The following WDR27 variants were observed in gnomAD, a reference collection of about 807,000 sequenced individuals.
The protein encoded by WDR27 is WD repeat domain 27, also known as WD repeat-containing protein 27.
WDR27 carries 100 observed loss-of-function variants against 114.4 expected under a neutral mutation model. That is an observed-to-expected ratio of 0.87 (90% CI 0.74 to 1.03). The LOEUF is 1.03. Among genes scored for constraint, WDR27 ranks in the 50% least tolerant of loss-of-function variants. The probability of loss-of-function intolerance (pLI) is 0.00; values close to 1 mark genes in which losing one functional copy is unlikely to be tolerated. For missense variants in WDR27, 1,129 were observed against 1,092.9 expected, an observed-to-expected ratio of 1.03 and a Z score of -0.47; for synonymous variants, 449 against 423.1, an observed-to-expected ratio of 1.06 and a Z score of -0.75.
At chr6:169,555,918 T>A (rs1798808819) in intron 25 of WDR27, among the ~76,000 whole-genome samples, 1 of 152,028 alleles carries the variant, frequency 6.6e-6, no homozygotes, top group African/African-American at 2.4e-5. Flanking sequence ...AAACCGATAC[T>A]CATATAGGGA....
the WDR27 span, among the ~76,000 whole-genome samples, chr6:169,443,836 G>C: frequency 6.6e-6 from 1 of 152,176 alleles, no homozygotes; most frequent in Non-Finnish European, 1.5e-5. Flanking sequence ...GTCCTTCTTT[G>C]AGTCCACAAA....
Position 169,523,618 on chromosome 6 carries a change from T to A in WDR27, c.2645+48801A>T, listed in dbSNP as rs566489717. Among the ~76,000 whole-genome samples, 8 of 151,510 alleles carry A rather than the reference T, an allele frequency of 5.3e-5. No homozygotes were observed. The East Asian group carries it at 7.7e-4, about 15-fold the overall frequency. On this transcript the variant is annotated intron_variant, in intron 25 of 25. Transcript: ENST00000448612. ...GGTCAGGTGGGATTCATGGGATTCA[T>A]CCTGGGGATGCCAACATATACAAAT...
chr6:169,621,378 A>G (rs1288030006), intron 21 of WDR27, among the ~76,000 whole-genome samples: 2 of 151,976 alleles, frequency 1.3e-5, no homozygotes, highest in Non-Finnish European at 2.9e-5. Context: ...GCATGCATGT[A>G]GACATACGCA....
At chr6:169,572,349 T>C (rs1414785432) in intron 25 of WDR27, 70 bp downstream of exon 25, 1 of 151,864 alleles carries the variant, frequency 6.6e-6, no homozygotes, top group Non-Finnish European at 1.5e-5. Flanking sequence ...GACCATCCCA[T>C]CCTGGCCAAC....
downstream of WDR27, among the ~76,000 whole-genome samples, chr6:169,456,760 C>A (rs1304983709): frequency 6.6e-6 from 1 of 151,674 alleles, no homozygotes; most frequent in Non-Finnish European, 1.5e-5. The surrounding 1 kb of genome is among the most constrained non-coding windows in gnomAD (Gnocchi z 4.0). Context: ...GGTCACCACA[C>A]AGAACCCACG....
rs1400596188 is a variant in WDR27, at chr6:169,618,646, A to AAC, written c.2224-4991_2224-4990insGT. Among the ~76,000 whole-genome samples the AAC allele has an allele frequency of 1.6e-4, 24 of 149,748 alleles. 1 individual carries two copies. The highest frequency in any genetic ancestry group is 9.3e-4 in the Admixed American group (14 of 15,098). ...TGACTGCAAAAAAAAAAAAAAAAAAAAAACATTATTGATGCATGACTAATG... is the reference window on the plus strand; with the variant it reads ...TGACTGCAAAAAAAAAAAAAAAAAAAACAAACATTATTGATGCATGACTAATG... On this transcript the variant is annotated intron_variant, in intron 21 of 25. Transcript: ENST00000448612.
Position 169,505,639 on chromosome 6 carries a change from C to T in WDR27, c.2646-48005G>A, listed in dbSNP as rs114669398. Among the ~76,000 whole-genome samples, 262 of 152,278 alleles carry T rather than the reference C, an allele frequency of 1.7e-3. 2 individuals are homozygous for T. Among genetic ancestry groups the T allele is most frequent in the African/African-American group, 5.8e-3 (243 of 41,540 alleles). The stretch of plus-strand genomic sequence containing the variant: ...TCACATGTGAGTCTCCAGCTCACCC[C>T]AGACCTAATGGATTAGAATCTGCAG... On this transcript the variant is annotated intron_variant, in intron 25 of 25. Transcript: ENST00000448612.
At chr6:169,657,027 C>G (rs994638882) in intron 13 of WDR27, among the ~76,000 whole-genome samples, 1 of 152,154 alleles carries the variant, frequency 6.6e-6, no homozygotes, top group Non-Finnish European at 1.5e-5. Flanking sequence ...GGCAGCAGAG[C>G]ATAAACCGGC....
At chr6:169,662,713 T>C (rs1392285404) in intron 8 of WDR27, among the ~76,000 whole-genome samples, 5 of 137,194 alleles carry the variant, frequency 3.6e-5, no homozygotes, top group African/African-American at 1.4e-4. Flanking sequence ...ACACCCAGCA[T>C]GACGCGTGTG....
At chr6:169,493,940 A>G (rs1281479606) in intron 25 of WDR27, among the ~76,000 whole-genome samples, 1 of 152,258 alleles carries the variant, frequency 6.6e-6, no homozygotes, top group African/African-American at 2.4e-5. Context: ...AGATAAAAAT[A>G]TAATTCCAGC....
At chr6:169,681,545 A>T (rs1430943873) in intron 2 of WDR27, among the ~76,000 whole-genome samples, 1 of 152,314 alleles carries the variant, frequency 6.6e-6, no homozygotes, top group East Asian at 1.9e-4. Context: ...TTACCACCTC[A>T]TTTGGCCTTG....
At chr6:169,480,657 T>C (rs1787894917) in intron 25 of WDR27, among the ~76,000 whole-genome samples, 2 of 152,072 alleles carry the variant, frequency 1.3e-5, no homozygotes, top group East Asian at 1.9e-4. Context: ...CTTTTATGTC[T>C]AGCTAGAGGA....
chr6:169,615,989 G>A (rs111520411), intron 21 of WDR27, among the ~76,000 whole-genome samples: 10 of 148,646 alleles, frequency 6.7e-5, no homozygotes, highest in African/African-American at 2.5e-4. Context: ...AAGCTGAGGC[G>A]CAAACAGCAC....
chr6:169,653,600 G>C (rs1050238788), intron 13 of WDR27, among the ~76,000 whole-genome samples: 1 of 152,144 alleles, frequency 6.6e-6, no homozygotes, highest in African/African-American at 2.4e-5. Flanking sequence ...TGAGGGTACT[G>C]CTATTTAAAA....
chr6:169,635,779 T>A (rs1037213484), intron 19 of WDR27, among the ~76,000 whole-genome samples: 1 of 152,132 alleles, frequency 6.6e-6, no homozygotes, highest in Non-Finnish European at 1.5e-5. Flanking sequence ...GGTGTGCTCA[T>A]GTTACACTCA....
intron 25 of WDR27, among the ~76,000 whole-genome samples, chr6:169,533,710 T>A (rs746662836): frequency 2.0e-5 from 3 of 152,174 alleles, no homozygotes; most frequent in Non-Finnish European, 4.4e-5. Context: ...CGGCCTGTGA[T>A]CCCATCTGCT....
chr6:169,607,818 T>C (rs1809567262), intron 22 of WDR27, among the ~76,000 whole-genome samples: 1 of 152,204 alleles, frequency 6.6e-6, no homozygotes, highest in Admixed American at 6.5e-5. Flanking sequence ...AAAATGGATG[T>C]TGTTGGCTGT....
intron 25 of WDR27, among the ~76,000 whole-genome samples, chr6:169,495,653 T>C (rs912622694): frequency 8.5e-5 from 13 of 152,082 alleles, no homozygotes; most frequent in Non-Finnish European, 1.8e-4. Flanking sequence ...TGAACAACTG[T>C]ATACCAAACA....
intron 25 of WDR27, among the ~76,000 whole-genome samples, chr6:169,488,067 G>A (rs1240864414): frequency 6.6e-6 from 1 of 152,212 alleles, no homozygotes; most frequent in Non-Finnish European, 1.5e-5. Context: ...ATGGGGAAGT[G>A]CACTTTCCAT....
Sources: allele counts gnomAD v4.1 joint callset (sites outside exome capture counted in the v4.1 genomes callset), GRCh38; gene constraint gnomAD v4.1.1; non-coding constraint Gnocchi (gnomAD v3.1); transcripts MANE v1.5; gene names NCBI Gene and HGNC (gene_info 2026-07-23, HGNC 2026-07-21).